The following DRC9 variants were observed in gnomAD, a reference collection of about 807,000 sequenced individuals.
DRC9 encodes the protein dynein regulatory complex protein 9.
chr3:197,948,036 G>A, the DRC9 span, among the ~76,000 whole-genome samples: 1 of 148,748 alleles, frequency 6.7e-6, no homozygotes, highest in Non-Finnish European at 1.5e-5. Context: ...AGGTTGAAGC[G>A]ATTCTTGTAC....
chr3:197,892,590 C>T, the DRC9 span: 1 of 1,605,238 alleles, frequency 6.2e-7, no homozygotes, highest in South Asian at 1.1e-5. Context: ...TAATTCCTTT[C>T]ACTCTGTCCT....
the DRC9 span, chr3:197,955,855 A>T: frequency 8.8e-7 from 1 of 1,134,898 alleles, no homozygotes; most frequent in Non-Finnish European, 1.3e-6. Context: ...CCTTAAATTG[A>T]TTTGCTACAT....
the DRC9 span, chr3:197,943,876 G>A: frequency 1.2e-6 from 2 of 1,614,006 alleles, no homozygotes; most frequent in African/African-American, 2.7e-5. Context: ...GAGATCCTCA[G>A]CACATCTGGA....
the DRC9 span, among the ~76,000 whole-genome samples, chr3:197,904,255 A>G: frequency 6.6e-6 from 1 of 152,004 alleles, no homozygotes. Flanking sequence ...ATCTCGCCCC[A>G]GTTAAAATGG....
At chr3:197,939,430 C>T in the DRC9 span, among the ~76,000 whole-genome samples, 2 of 152,102 alleles carry the variant, frequency 1.3e-5, no homozygotes, top group Admixed American at 6.6e-5. Flanking sequence ...ATTAAGGGAC[C>T]GCAGGAACGG....
At chr3:197,923,850 C>T in the DRC9 span, among the ~76,000 whole-genome samples, 12 of 152,146 alleles carry the variant, frequency 7.9e-5, no homozygotes, top group South Asian at 1.7e-3. Flanking sequence ...GAGAAACACT[C>T]GAGGCCAGGA....
At chr3:197,935,173 G>C in the DRC9 span, among the ~76,000 whole-genome samples, 1 of 152,128 alleles carries the variant, frequency 6.6e-6, no homozygotes, top group Non-Finnish European at 1.5e-5. Context: ...GGGCGCAGTG[G>C]CTCATGCCTG....
At chr3:197,949,117 T>C in the DRC9 span, among the ~76,000 whole-genome samples, 2 of 152,350 alleles carry the variant, frequency 1.3e-5, no homozygotes, top group South Asian at 4.1e-4. Context: ...GAAATTATCA[T>C]CTTCTAACGT....
the DRC9 span, among the ~76,000 whole-genome samples, chr3:197,920,052 T>C: frequency 7.8e-6 from 1 of 127,554 alleles, no homozygotes; most frequent in Non-Finnish European, 1.6e-5. Context: ...AAAAAAAAAA[T>C]ACAAAAATTA....
At chr3:197,915,163 C>CAAAAA in the DRC9 span, among the ~76,000 whole-genome samples, 34 of 70,540 alleles carry the variant, frequency 4.8e-4, no homozygotes, top group African/African-American at 6.6e-4. Flanking sequence ...GATTCTGTCT[C>CAAAAA]AAAAAAAAAA....
chr3:197,900,009 G>A, the DRC9 span, among the ~76,000 whole-genome samples: 11 of 152,300 alleles, frequency 7.2e-5, no homozygotes, highest in Admixed American at 1.3e-4. This position sits in a 1 kb window ranked among gnomAD's most constrained non-coding sequence, Gnocchi z 4.7. Flanking sequence ...CAGTGCTGCC[G>A]TCACAGTGGA....
the DRC9 span, among the ~76,000 whole-genome samples, chr3:197,949,142 C>G: frequency 6.6e-6 from 1 of 152,322 alleles, no homozygotes; most frequent in South Asian, 2.1e-4. Context: ...TCTATTTTTA[C>G]TTGCTCATTG....
chr3:197,921,342 C>A, the DRC9 span, among the ~76,000 whole-genome samples: 1 of 93,160 alleles, frequency 1.1e-5, no homozygotes, highest in Non-Finnish European at 1.9e-5. Flanking sequence ...TCTTCTTGGT[C>A]GACCCGACTA....
At chr3:197,920,247 T>G in the DRC9 span, among the ~76,000 whole-genome samples, 4 of 151,930 alleles carry the variant, frequency 2.6e-5, no homozygotes, top group Admixed American at 6.6e-5. Flanking sequence ...CATTTCTATT[T>G]GCTGTCTATG....
At chr3:197,947,862 G>A in the DRC9 span, among the ~76,000 whole-genome samples, 122 of 151,116 alleles carry the variant, frequency 8.1e-4, no homozygotes, top group Middle Eastern at 3.4e-3. Flanking sequence ...TCTGGGCTTA[G>A]GTAACTATTT....
At chr3:197,912,719 G>A in the DRC9 span, 50 of 1,613,808 alleles carry the variant, frequency 3.1e-5, no homozygotes, top group East Asian at 1.0e-3. Flanking sequence ...GTATGAGTCC[G>A]GGCCTCTTCT....
the DRC9 span, among the ~76,000 whole-genome samples, chr3:197,902,965 T>C: frequency 1.3e-5 from 2 of 152,110 alleles, no homozygotes; most frequent in Non-Finnish European, 2.9e-5. Context: ...AGCATGGTAC[T>C]GGAATAAAAA....
At chr3:197,951,525 GTAT>G in the DRC9 span, 1,416 of 543,244 alleles carry the variant, frequency 2.6e-3, 45 homozygotes, top group South Asian at 0.023. Context: ...GCTAGTTTTT[GTAT>G]TATTAGTAGA....
chr3:197,953,660 G>C, the DRC9 span: 30 of 438,394 alleles, frequency 6.8e-5, no homozygotes, highest in African/African-American at 5.3e-4. Flanking sequence ...TAAAATGGCA[G>C]GTAATTCCTC....
Sources: allele counts gnomAD v4.1 joint callset (sites outside exome capture counted in the v4.1 genomes callset), GRCh38; gene constraint gnomAD v4.1.1; non-coding constraint Gnocchi (gnomAD v3.1); transcripts MANE v1.5; gene names NCBI Gene and HGNC (gene_info 2026-07-23, HGNC 2026-07-21).